ST6GAL2: variants seen among roughly 807,000 people sequenced by gnomAD.
ST6GAL2 encodes ST6 beta-galactoside alpha-2,6-sialyltransferase 2, also known as beta-galactoside alpha-2,6-sialyltransferase 2.
In ST6GAL2, 24 loss-of-function variants were observed where a neutral mutation model predicts 37.5. The observed-to-expected ratio is 0.64, with a 90% confidence interval of 0.46 to 0.90. ST6GAL2 has a LOEUF of 0.90. Ranked by LOEUF, ST6GAL2 falls within the 40% of genes least tolerant of loss-of-function variation. ST6GAL2 has a pLI of 0.00. For synonymous variants in ST6GAL2, 306 were observed against 295.1 expected (o/e 1.04, Z -0.38); for missense variants, 715 against 712.7 (o/e 1.00, Z -0.04).
intron 5 of ST6GAL2, among the ~76,000 whole-genome samples, chr2:106,816,098 T>C (rs1675792115): frequency 2.0e-5 from 3 of 152,316 alleles, no homozygotes; most frequent in Middle Eastern, 6.8e-3. Flanking sequence ...TATTTGGTGT[T>C]TTTAAAATTG....
At chr2:106,825,255 C>T (rs1464905131) in intron 5 of ST6GAL2, among the ~76,000 whole-genome samples, 1 of 152,224 alleles carries the variant, frequency 6.6e-6, no homozygotes, top group Non-Finnish European at 1.5e-5. Flanking sequence ...TCAGATCCCC[C>T]GTTCTCTGGA....
intron 1 of ST6GAL2, among the ~76,000 whole-genome samples, chr2:106,859,713 G>A (rs1381535329): frequency 1.3e-5 from 2 of 151,928 alleles, no homozygotes. Flanking sequence ...GGACCTAGTC[G>A]CCTCTCACCT....
chr2:106,803,268 C>G lies in ST6GAL2; in HGVS notation c.*3410G>C, dbSNP rs1187024989. 6.6e-6 allele frequency: 1 copy of G among 152,192 alleles called. No individual in the cohort carries two copies. The highest frequency in any genetic ancestry group is 2.4e-5 in the African/African-American group (1 of 41,440). 9.4% of individuals were successfully genotyped at this position (152,192 alleles called of 1,614,324 possible). ...TGGCTGAGAGACCAAGAGGACCAGA[C>G]ACATGGGAAGTGCTGTTTCTCGAAG... is the stretch of plus-strand genomic sequence containing the variant. On this transcript the variant is annotated 3_prime_UTR_variant, in exon 6 of 6. Coordinates refer to ENST00000409382, the MANE Select transcript of ST6GAL2 (RefSeq NM_001142351.2).
chr2:106,884,419 C>A (rs1045914229), intron 1 of ST6GAL2, among the ~76,000 whole-genome samples: 32 of 152,306 alleles, frequency 2.1e-4, no homozygotes, highest in African/African-American at 7.5e-4. Context: ...AGATCCTGTG[C>A]ACCACATAGC....
At chr2:106,864,511 T>C (rs865919703) in intron 1 of ST6GAL2, among the ~76,000 whole-genome samples, 1 of 152,260 alleles carries the variant, frequency 6.6e-6, no homozygotes, top group Non-Finnish European at 1.5e-5. Flanking sequence ...GCAAAATGTA[T>C]TCACATTTCC....
chr2:106,818,008 T>TG (rs148511670), intron 5 of ST6GAL2, among the ~76,000 whole-genome samples: 3 of 151,970 alleles, frequency 2.0e-5, no homozygotes, highest in Non-Finnish European at 4.4e-5. Context: ...GAAAGAACAG[T>TG]GGGGAGGACT....
At chr2:106,830,685 G>T (rs921527618) in intron 4 of ST6GAL2, among the ~76,000 whole-genome samples, 1 of 152,244 alleles carries the variant, frequency 6.6e-6, no homozygotes, top group East Asian at 1.9e-4. Flanking sequence ...TTCGCCCATG[G>T]GTGTAGTTTG....
intron 5 of ST6GAL2, chr2:106,813,232 AG>A: frequency 7.5e-7 from 1 of 1,335,992 alleles, no homozygotes. Flanking sequence ...AGCCTATATG[AG>A]GGATTCATTT....
Position 106,829,719 on chromosome 2 carries a change from C to A in ST6GAL2, c.1318+347G>T, listed in dbSNP as rs561376788. Among the ~76,000 whole-genome samples, 5 of 151,956 alleles carry A rather than the reference C, an allele frequency of 3.3e-5. 1 individual carries two copies. ...TTCCTTAGTTAACCTACCTTCCCTC[C>A]AAAGCCACCTGTTAATGGCTCTTAC... On this transcript the variant is annotated intron_variant, in intron 5 of 5. Transcript: ENST00000409382.
At chr2:106,813,105 A>G in intron 5 of ST6GAL2, 5 of 1,182,408 alleles carry the variant, frequency 4.2e-6, no homozygotes, top group Non-Finnish European at 5.3e-6. Context: ...TAAGTTTCTT[A>G]TATGGCCAGT....
Position 106,861,048 on chromosome 2 carries a change from G to C in ST6GAL2, c.-57-17014C>G, listed in dbSNP as rs192351835. Among the ~76,000 whole-genome samples the C allele has an allele frequency of 2.6e-5, 4 of 152,256 alleles. No individual in the cohort carries two copies. In the East Asian group the frequency reaches 7.7e-4, roughly 29 times the overall value. ...ACCTGAATCTGCTCTTGAAATGTCA[G>C]TGATAAAAATTAAAAGAAGAGTAGA... On this transcript the variant is annotated intron_variant, in intron 1 of 5. Coordinates refer to ENST00000409382, the MANE Select transcript of ST6GAL2 (RefSeq NM_001142351.2).
chr2:106,833,429 A>G lies in ST6GAL2; in HGVS notation c.1041+620T>C, dbSNP rs76114115. On this transcript the variant is annotated intron_variant, in intron 3 of 5. Transcript: ENST00000409382. ...TGCCTGGTGCAGTGAACTGTGCAGA[A>G]AGCTAATCTTTTGTTCTGTAAGCAA... Among the ~76,000 whole-genome samples the G allele has an allele frequency of 7.1e-3, 1,087 of 152,300 alleles. 6 individuals carry two copies. Among genetic ancestry groups the G allele is most frequent in the Non-Finnish European group, 9.1e-3 (619 of 68,026 alleles).
intron 3 of ST6GAL2, among the ~76,000 whole-genome samples, chr2:106,832,939 C>T (rs1019170742): frequency 6.6e-6 from 1 of 152,050 alleles, no homozygotes. Context: ...AGATCCTGAA[C>T]GATGCAACTC....
chr2:106,880,322 T>G (rs567852693), intron 1 of ST6GAL2, among the ~76,000 whole-genome samples: 1 of 152,314 alleles, frequency 6.6e-6, no homozygotes, highest in African/African-American at 2.4e-5. Context: ...TTGGTGAACT[T>G]CTGGCTGACC....
rs77296477 is a variant in ST6GAL2 at position 106,814,028 on chromosome 2, T to A, written c.1319-7079A>T. ...TAAAAGTGACTTTTTAAGTGGTAGT[T>A]CTAGAAAATATTTGTAACTAAAAGA... is the stretch of plus-strand genomic sequence containing the variant. On this transcript the variant is annotated intron_variant, in intron 5 of 5. Coordinates refer to ENST00000409382, the MANE Select transcript of ST6GAL2 (RefSeq NM_001142351.2). 9.5e-3 allele frequency among the ~76,000 whole-genome samples: 1,445 copies of A among 152,270 alleles called. 29 individuals are homozygous for A. Among genetic ancestry groups the A allele is most frequent in the African/African-American group, 0.033 (1,359 of 41,534 alleles).
At chr2:106,844,800 T>C (rs932225450) in intron 1 of ST6GAL2, among the ~76,000 whole-genome samples, 1 of 152,042 alleles carries the variant, frequency 6.6e-6, no homozygotes, top group South Asian at 2.1e-4. Flanking sequence ...TGATTCTAGA[T>C]GAGACTCAGA....
At chr2:106,835,045 A>G (rs543241454) in intron 2 of ST6GAL2, 1 of 152,352 alleles carries the variant, frequency 6.6e-6, no homozygotes, top group South Asian at 2.1e-4. Flanking sequence ...GGTTCACCTG[A>G]TTTAGCATTG....
rs1332398980 is a variant in ST6GAL2, at chr2:106,843,987, C to T, written c.-10G>A. 6.4e-7 allele frequency: 1 copy of T among 1,559,060 alleles called. No individual in the cohort carries two copies. Among genetic ancestry groups the T allele is most frequent in the Non-Finnish European group, 8.7e-7 (1 of 1,154,402 alleles). ...TCAAGTGTGGTTTCATGGCAGGTCT[C>T]TGCGGTCAGCACCTTGTGTCTTAAT... On this transcript the variant is annotated 5_prime_UTR_variant, in exon 2 of 6. Transcript: ENST00000409382.
At chr2:106,874,739 T>C (rs1291293015) in intron 1 of ST6GAL2, among the ~76,000 whole-genome samples, 1 of 152,180 alleles carries the variant, frequency 6.6e-6, no homozygotes, top group Non-Finnish European at 1.5e-5. Context: ...CTCTAGAAAC[T>C]GTATATGTCA....
Sources: gnomAD v4.1 joint callset for allele counts (sites outside exome capture counted in the v4.1 genomes callset) on GRCh38, gnomAD v4.1.1 for gene constraint, MANE v1.5 for transcripts, NCBI Gene and HGNC (gene_info 2026-07-23, HGNC 2026-07-21) for gene names.